Variants in E2F3 observed in about 807,000 individuals in gnomAD.
E2F3 encodes transcription factor E2F3.
In E2F3, 11 loss-of-function variants were observed where a neutral mutation model predicts 44.4. The ratio of observed to expected loss-of-function variants is 0.25; its 90% CI spans 0.16 to 0.41. The LOEUF (loss-of-function observed/expected upper bound fraction) is 0.41. Ranked by LOEUF, E2F3 falls within the 10% of genes least tolerant of loss-of-function variation. The pLI, the probability that E2F3 is intolerant of heterozygous loss-of-function variation, is 1.00. For synonymous variants in E2F3, 249 were observed against 253.0 expected (o/e 0.98, Z 0.15); for missense variants, 487 against 583.6 (o/e 0.83, Z 1.70).
chr6:20,465,660 T>C (rs986575503), intron 1 of E2F3, among the ~76,000 whole-genome samples: 2 of 152,216 alleles, frequency 1.3e-5, no homozygotes, highest in African/African-American at 4.8e-5. Context: ...CTTTGCATCC[T>C]CATAGCTTAG....
Position 20,402,579 on chromosome 6 carries a change from C to A in E2F3, c.347C>A (p.Pro116Gln), listed in dbSNP as rs189058327. ...AGCAGAGCCGGGCTGCTGCAGCAGC[C>A]ACCAGCGCTGGGACGCGGCGGCAGC... The part of the protein sequence containing the change: ...PSSRAGLLQQ[P>Q]PALGRGGSGG... The change falls in exon 1 of 7, where the codon CCA becomes CAA. Residue 116 changes from proline to glutamine, a missense_variant. Physicochemically the swap from Pro to Gln is moderately conservative, Grantham distance 76. Coordinates refer to ENST00000346618, the MANE Select transcript of E2F3 (RefSeq NM_001949.5). The surrounding 1 kb of genome is among the most constrained non-coding windows in gnomAD (Gnocchi z 5.6). 4.7e-6 allele frequency: 7 copies of A among 1,497,786 alleles called. No individual in the cohort carries two copies. Among genetic ancestry groups the A allele is most frequent in the Non-Finnish European group, 5.3e-6 (6 of 1,137,186 alleles). 92.8% of individuals were successfully genotyped at this position (1,497,786 alleles called of 1,614,324 possible).
rs1441189446 is a variant in E2F3 at position 20,492,373 on chromosome 6, A to G, written c.*1943A>G. The G allele has an allele frequency of 4.3e-6, 1 of 233,512 alleles. No homozygotes were observed. Among genetic ancestry groups the G allele is most frequent in the African/African-American group, 2.2e-5 (1 of 45,296 alleles). The allele number at this position is 233,512 out of a possible 1,614,324, so 14.5% of individuals were successfully genotyped here. On this transcript the variant is annotated 3_prime_UTR_variant, in exon 7 of 7. Coordinates refer to ENST00000346618, the MANE Select transcript of E2F3 (RefSeq NM_001949.5). Reference sequence around the variant, plus strand: ...CATCCCTGGCCTCCTCCCCTCACACACACTGGACTTGGTACAAAATGTCGG... The same window carrying G: ...CATCCCTGGCCTCCTCCCCTCACACGCACTGGACTTGGTACAAAATGTCGG...
intron 1 of E2F3, among the ~76,000 whole-genome samples, chr6:20,427,172 C>G (rs912039262): frequency 6.6e-6 from 1 of 152,210 alleles, no homozygotes; most frequent in African/African-American, 2.4e-5. Flanking sequence ...CTGGGCATAT[C>G]GAACTGATTC....
At chr6:20,414,905 T>C (rs562447908) in intron 1 of E2F3, among the ~76,000 whole-genome samples, 2 of 152,324 alleles carry the variant, frequency 1.3e-5, no homozygotes, top group South Asian at 2.1e-4. Flanking sequence ...CTTTTATAAA[T>C]TACATCCATG....
At position 20,412,616 on chromosome 6, in the gene E2F3, T is replaced by G. The variant is rs147723598; in HGVS notation, c.393+9991T>G. Among the ~76,000 whole-genome samples the G allele has an allele frequency of 3.4e-3, 499 of 147,302 alleles. 3 individuals carry two copies. Among genetic ancestry groups the G allele is most frequent in the African/African-American group, 0.012 (483 of 39,998 alleles). ...TACAAGGGCTGGGCGGGGAGTAGAT[T>G]GGGGGTGGGAAGTTTGAGTGGTGTG... On this transcript the variant is annotated intron_variant, in intron 1 of 6. Transcript: ENST00000346618.
At chr6:20,469,317 C>A (rs757135459) in intron 1 of E2F3, among the ~76,000 whole-genome samples, 18 of 152,070 alleles carry the variant, frequency 1.2e-4, no homozygotes, top group Non-Finnish European at 2.2e-4. Context: ...GATGTCAGTA[C>A]ATTAGAACTA....
chr6:20,472,350 T>C (rs1002416254), intron 1 of E2F3, among the ~76,000 whole-genome samples: 2 of 152,054 alleles, frequency 1.3e-5, no homozygotes, highest in Non-Finnish European at 2.9e-5. Flanking sequence ...AGGCCAAGGG[T>C]GTCATGGTCA....
chr6:20,440,571 A>G (rs943778209), intron 1 of E2F3, among the ~76,000 whole-genome samples: 4 of 152,206 alleles, frequency 2.6e-5, no homozygotes, highest in African/African-American at 9.6e-5. Context: ...CAGTAGAAAA[A>G]AGGCTGTTTT....
At chr6:20,409,073 C>T (rs1325200053) in intron 1 of E2F3, among the ~76,000 whole-genome samples, 3 of 152,156 alleles carry the variant, frequency 2.0e-5, no homozygotes, top group South Asian at 2.1e-4. Flanking sequence ...AAGCCAAAAC[C>T]GAAACGGGAG....
chr6:20,421,981 CAA>C (rs1343831884), intron 1 of E2F3: 1 of 152,238 alleles, frequency 6.6e-6, no homozygotes, highest in Non-Finnish European at 1.5e-5. Context: ...AGCCCCTAAC[CAA>C]AGAGTCAGCC....
chr6:20,406,161 C>T (rs1418021268), intron 1 of E2F3, among the ~76,000 whole-genome samples: 2 of 152,186 alleles, frequency 1.3e-5, no homozygotes, highest in Admixed American at 1.3e-4. Flanking sequence ...CCAGAAGCAA[C>T]TTCTTCACCT....
chr6:20,465,793 T>A (rs1309817041), intron 1 of E2F3, among the ~76,000 whole-genome samples: 1 of 151,422 alleles, frequency 6.6e-6, no homozygotes. Context: ...TTTTTATGGC[T>A]GAGTAGTATT....
intron 1 of E2F3, among the ~76,000 whole-genome samples, chr6:20,420,401 G>A (rs1196814002): frequency 6.6e-6 from 1 of 151,792 alleles, no homozygotes; most frequent in East Asian, 1.9e-4. Flanking sequence ...CTGAATTATT[G>A]GAACTTTTAA....
chr6:20,426,243 C>T (rs561259701), intron 1 of E2F3, among the ~76,000 whole-genome samples: 46 of 152,248 alleles, frequency 3.0e-4, no homozygotes, highest in African/African-American at 1.0e-3. Flanking sequence ...TTTAATTTAC[C>T]TTTTCTTCAA....
chr6:20,490,657 C>T lies in E2F3; in HGVS notation c.*227C>T. ...GCTCCCTTGGGAAAGCCCTGCTTTG[C>T]TCCAGGCTCCAAGATCTCCTGGCTA... On this transcript the variant is annotated 3_prime_UTR_variant, in exon 7 of 7. Coordinates refer to ENST00000346618, the MANE Select transcript of E2F3 (RefSeq NM_001949.5). This position sits in a 1 kb window ranked among gnomAD's most constrained non-coding sequence, Gnocchi z 4.3. The T allele has an allele frequency of 2.7e-6, 1 of 373,118 alleles. No homozygotes were observed. The highest frequency in any genetic ancestry group is 4.6e-6 in the Non-Finnish European group (1 of 216,034). The allele number at this position is 373,118 out of a possible 1,614,324, so 23.1% of individuals were successfully genotyped here. A position where few individuals can be genotyped will look rare whatever the true frequency, so the allele number is the denominator to read the frequency against.
At chr6:20,431,397 G>C (rs145497122) in intron 1 of E2F3, among the ~76,000 whole-genome samples, 1 of 152,164 alleles carries the variant, frequency 6.6e-6, no homozygotes, top group Non-Finnish European at 1.5e-5. Flanking sequence ...CCAGTGTCCC[G>C]TGAGCTGAGA....
chr6:20,420,578 A>G (rs1490285923), intron 1 of E2F3, among the ~76,000 whole-genome samples: 1 of 152,210 alleles, frequency 6.6e-6, no homozygotes, highest in Non-Finnish European at 1.5e-5. Flanking sequence ...CCCAGTGCAT[A>G]TAAAGTTTAC....
intron 1 of E2F3, among the ~76,000 whole-genome samples, chr6:20,416,734 A>G (rs1370469509): frequency 6.6e-6 from 1 of 152,150 alleles, no homozygotes; most frequent in Non-Finnish European, 1.5e-5. Flanking sequence ...AGTAGGGGGA[A>G]ACCCAGGCCG....
chr6:20,439,740 CA>C (rs1462457814), intron 1 of E2F3, among the ~76,000 whole-genome samples: 6 of 152,132 alleles, frequency 3.9e-5, no homozygotes, highest in Non-Finnish European at 1.5e-5. Context: ...CTATGTTGCC[CA>C]GGCTGGTGTC....
Sources: gnomAD v4.1 joint callset for allele counts (sites outside exome capture counted in the v4.1 genomes callset) on GRCh38, gnomAD v4.1.1 for gene constraint, Gnocchi (gnomAD v3.1) non-coding constraint, MANE v1.5 for transcripts, NCBI Gene and HGNC (gene_info 2026-07-23, HGNC 2026-07-21) for gene names.